EXOSC10: variants seen among roughly 807,000 people sequenced by gnomAD.
EXOSC10 encodes the protein exosome complex component 10.
Under a neutral mutation model 126.6 loss-of-function variants are expected in EXOSC10, and 94 were observed. That is an observed-to-expected ratio of 0.74 (90% CI 0.63 to 0.88). EXOSC10 has a LOEUF of 0.88. EXOSC10 is among the 40% of genes least tolerant of loss of function. The probability of loss-of-function intolerance (pLI) is 0.00; values close to 1 mark genes in which losing one functional copy is unlikely to be tolerated. For synonymous variants in EXOSC10, 395 were observed against 400.8 expected (o/e 0.99, Z 0.17); for missense variants, 1,041 against 1,100.5 (o/e 0.95, Z 0.77).
chr1:11,068,224 G>C, intron 23 of EXOSC10, 140 bp from the exon 24 acceptor site: 1 of 684,642 alleles, frequency 1.5e-6, no homozygotes, highest in Non-Finnish European at 2.5e-6. Flanking sequence ...ATGTTTCTGT[G>C]TCTCTGAAGG....
chr1:11,098,513 A>G (rs1047670275), intron 1 of EXOSC10, among the ~76,000 whole-genome samples: 1 of 152,242 alleles, frequency 6.6e-6, no homozygotes, highest in Non-Finnish European at 1.5e-5. Context: ...CAGGAAAAAT[A>G]AAAAGGGCCT....
chr1:11,067,313 T>A (rs1194788954), intron 24 of EXOSC10, among the ~76,000 whole-genome samples: 2 of 151,958 alleles, frequency 1.3e-5, no homozygotes, highest in African/African-American at 2.4e-5. Flanking sequence ...GCGCCTGTGG[T>A]CCCAGCTACT....
rs1297400081 is a variant in EXOSC10 at position 11,087,458 on chromosome 1, G to A, written c.1079C>T (p.Ala360Val). The A allele has an allele frequency of 5.0e-6, 8 of 1,614,096 alleles. No individual in the cohort carries two copies. Among genetic ancestry groups the A allele is most frequent in the Admixed American group, 3.3e-5 (2 of 59,994 alleles). ...YILNESLTDP[A>V]IVKVFHGADS... ...AAAAGGCTGGCTGACCTTAACGATG[G>A]CTGGGTCTGTGAGGCTCTCATTGAG... The change falls in exon 9 of 25, where the codon GCC becomes GTC. Residue 360 changes from alanine to valine, a missense_variant. Transcript: ENST00000376936.
intron 9 of EXOSC10, among the ~76,000 whole-genome samples, chr1:11,086,738 G>A (rs1383648436): frequency 1.3e-5 from 2 of 152,136 alleles, no homozygotes; most frequent in African/African-American, 4.8e-5. Flanking sequence ...ATAACGAAAT[G>A]AAGGCAGAAA....
At chr1:11,085,343 C>A (rs1246958146) in intron 9 of EXOSC10, among the ~76,000 whole-genome samples, 1 of 152,176 alleles carries the variant, frequency 6.6e-6, no homozygotes, top group Non-Finnish European at 1.5e-5. Context: ...AGGTCCTTCA[C>A]GTCCCTTGTA....
At chr1:11,097,893 T>G in intron 2 of EXOSC10, 127 bp downstream of exon 2, 1 of 966,568 alleles carries the variant, frequency 1.0e-6, no homozygotes, top group Non-Finnish European at 1.4e-6. Context: ...TTGCTTCAAT[T>G]TTCACATTTT....
chr1:11,085,379 T>C (rs937636747), intron 9 of EXOSC10, among the ~76,000 whole-genome samples: 2 of 152,212 alleles, frequency 1.3e-5, no homozygotes, highest in African/African-American at 4.8e-5. Flanking sequence ...TATTTCATTC[T>C]CTTTGAAGCA....
At position 11,082,904 on chromosome 1, in the gene EXOSC10, G is replaced by T. The variant is rs199570738; in HGVS notation, c.1090-26C>A. The stretch of plus-strand genomic sequence containing the variant: ...CTGAAAACAGAACCAAAGTCATGCA[G>T]TACACTGGTAGCAGGCCACTCATGC... On this transcript the variant is annotated intron_variant, in intron 9 of 24. Coordinates refer to ENST00000376936, the MANE Select transcript of EXOSC10 (RefSeq NM_001001998.3). 4 of 1,577,794 alleles carry T rather than the reference G, an allele frequency of 2.5e-6. No homozygotes were observed. The South Asian group carries it at 4.4e-5, about 17-fold the overall frequency.
chr1:11,069,094 G>A (rs1002577338), intron 22 of EXOSC10, among the ~76,000 whole-genome samples: 71 of 152,114 alleles, frequency 4.7e-4, no homozygotes, highest in African/African-American at 1.7e-3. Context: ...TTTTCCAAAG[G>A]AGCATGTTGC....
chr1:11,069,244 T>TGTGTGTGTGTGAGAGAGAGAGA, intron 22 of EXOSC10, among the ~76,000 whole-genome samples: 2 of 116,824 alleles, frequency 1.7e-5, no homozygotes, highest in East Asian at 2.6e-4. Context: ...TGTGTGTGTG[T>TGTGTGTGTGTGAGAGAGAGAGA]GAGAGAGAGA....
chr1:11,086,745 G>A (rs1397799965), intron 9 of EXOSC10, among the ~76,000 whole-genome samples: 1 of 152,134 alleles, frequency 6.6e-6, no homozygotes, highest in African/African-American at 2.4e-5. Flanking sequence ...AATGAAGGCA[G>A]AAATAAAGAT....
Position 11,098,069 on chromosome 1 carries a change from G to A in EXOSC10, c.199C>T (p.Pro67Ser). ...GDEYDFYRSF[P>S]GFQAFCETQG... Reference sequence around the variant, plus strand: ...GTTTCGCAAAATGCTTGGAAGCCAGGAAAACTTCGGTAAAAATCATACTCA... The same window carrying A: ...GTTTCGCAAAATGCTTGGAAGCCAGAAAAACTTCGGTAAAAATCATACTCA... The change falls in exon 2 of 25, where the codon CCT (proline) becomes TCT (serine). Residue 67 changes from proline to serine, a missense_variant. Physicochemically the swap from Pro to Ser is moderately conservative, Grantham distance 74 (BLOSUM62 -1). Around this residue, in one of 3 missense-constraint regions of EXOSC10, gnomAD observed 645 missense variants for 656.3 expected, o/e 0.98. Coordinates refer to ENST00000376936, the MANE Select transcript of EXOSC10 (RefSeq NM_001001998.3). 6.2e-7 allele frequency: 1 copy of A among 1,611,890 alleles called. No homozygotes were observed. The highest frequency in any genetic ancestry group is 8.5e-7 in the Non-Finnish European group (1 of 1,179,348).
chr1:11,080,424 C>G, intron 13 of EXOSC10, 75 bp downstream of exon 13: 1 of 1,578,900 alleles, frequency 6.3e-7, no homozygotes, highest in Non-Finnish European at 8.7e-7. Context: ...GTAATAGCAA[C>G]CAGAAAAGCT....
Position 11,069,594 on chromosome 1 carries a change from T to G in EXOSC10, c.2453A>C (p.Tyr818Ser). ...PEPPEKEFTPYDYSQSDFKAF... is the reference protein window; with the variant it reads ...PEPPEKEFTPSDYSQSDFKAF... ...CTTGAAGTCTGACTGGCTGTAGTCG[T>G]AAGGCGTAAACTCTTTTTCTGGTGG... Residue 818 changes from tyrosine to serine, a missense_variant, in exon 22 of 25, where the codon TAC becomes TCC. By Grantham distance (144) the Tyr-to-Ser change is moderately radical. Coordinates refer to ENST00000376936, the MANE Select transcript of EXOSC10 (RefSeq NM_001001998.3). The G allele has an allele frequency of 3.1e-6, 5 of 1,613,930 alleles. No individual in the cohort carries two copies. The highest frequency in any genetic ancestry group is 3.4e-6 in the Non-Finnish European group (4 of 1,179,994).
In EXOSC10 at chr1:11,095,946, G is replaced by A; in HGVS notation, c.249-65C>T. ...TTTCACTTGTTTACATTCTGTGAGA[G>A]AGAATGTTCAAATGATGTGGCTCAG... On this transcript the variant is annotated intron_variant, in intron 2 of 24. Transcript: ENST00000376936. 1.9e-6 allele frequency: 3 copies of A among 1,550,106 alleles called. No individual in the cohort carries two copies. The South Asian group carries it at 3.4e-5, about 18-fold the overall frequency.
chr1:11,084,077 G>A (rs577148421), intron 9 of EXOSC10, among the ~76,000 whole-genome samples: 26 of 152,188 alleles, frequency 1.7e-4, no homozygotes, highest in East Asian at 5.8e-4. Flanking sequence ...GAATAGTGCC[G>A]CAATAAACAT....
At chr1:11,072,193 CA>C (rs750216371) in intron 19 of EXOSC10, 22 bp from the exon 20 acceptor site, 32 of 1,559,640 alleles carry the variant, frequency 2.1e-5, no homozygotes, top group Middle Eastern at 1.7e-4. Flanking sequence ...GCAAATATAA[CA>C]AAAAAAACCC....
At chr1:11,067,350 T>G (rs1381573944) in intron 24 of EXOSC10, among the ~76,000 whole-genome samples, 1 of 151,312 alleles carries the variant, frequency 6.6e-6, no homozygotes, top group Non-Finnish European at 1.5e-5. Flanking sequence ...GAGAATGGCG[T>G]GAACCCGGGA....
At chr1:11,083,562 CAAA>C (rs35412224) in intron 9 of EXOSC10, among the ~76,000 whole-genome samples, 755 of 65,850 alleles carry the variant, frequency 0.011, 8 homozygotes, top group African/African-American at 0.047. Context: ...AACTCCGTCT[CAAA>C]AAAAAAAAAA....
Sources: allele counts gnomAD v4.1 joint callset (sites outside exome capture counted in the v4.1 genomes callset), GRCh38; gene constraint gnomAD v4.1.1; regional missense constraint gnomAD v4.1.1; transcripts MANE v1.5; gene names NCBI Gene and HGNC (gene_info 2026-07-23, HGNC 2026-07-21).